The following MYBL1 variants were observed in gnomAD, a reference collection of about 807,000 sequenced individuals.
MYBL1 encodes myb-related protein A.
Under a neutral mutation model 96.3 loss-of-function variants are expected in MYBL1, and 17 were observed. The ratio of observed to expected loss-of-function variants is 0.18; its 90% CI spans 0.12 to 0.26. The LOEUF (loss-of-function observed/expected upper bound fraction) is 0.26. Among genes scored for constraint, MYBL1 ranks in the 10% least tolerant of loss-of-function variants. The probability of loss-of-function intolerance (pLI) is 1.00; values close to 1 mark genes in which losing one functional copy is unlikely to be tolerated. For missense variants in MYBL1, 701 were observed against 882.9 expected, an observed-to-expected ratio of 0.79 and a Z score of 2.61; for synonymous variants, 282 against 292.7, an observed-to-expected ratio of 0.96 and a Z score of 0.37.
intron 8 of MYBL1, among the ~76,000 whole-genome samples, chr8:66,584,018 C>T (rs559982535): frequency 1.3e-5 from 2 of 152,208 alleles, no homozygotes; most frequent in African/African-American, 4.8e-5. Context: ...GCCAATATCC[C>T]TGATGAACAT....
At chr8:66,597,583 A>G in intron 4 of MYBL1, 33 bp from the exon 5 acceptor site, 1 of 1,323,652 alleles carries the variant, frequency 7.6e-7, no homozygotes, top group Non-Finnish European at 1.1e-6. Flanking sequence ...TTAAAAAAGC[A>G]TTACCTTCAA....
At chr8:66,612,776 C>T (rs1293633967) in intron 1 of MYBL1, 43 bp downstream of exon 1, 2 of 1,348,200 alleles carry the variant, frequency 1.5e-6, no homozygotes, top group African/African-American at 1.5e-5. Context: ...GAATCTGAGC[C>T]GAGACGGCGC....
chr8:66,593,136 G>A lies in MYBL1; in HGVS notation c.746C>T (p.Thr249Ile). Reference sequence around the variant, plus strand: ...AAAAGTTACCTGAATAAAGGCAGAAGTAGGCTGAACATGTTCTATACAATT... The same window carrying A: ...AAAAGTTACCTGAATAAAGGCAGAAATAGGCTGAACATGTTCTATACAATT... ...EGNCIEHVQP[T>I]SAFIQQPFID... The change falls in exon 7 of 16, where the codon ACT becomes ATT. Residue 249 changes from threonine to isoleucine, a missense_variant. Coordinates refer to ENST00000522677, the MANE Select transcript of MYBL1 (RefSeq NM_001080416.4). 6.3e-6 allele frequency: 10 copies of A among 1,582,918 alleles called. No homozygotes were observed. The highest frequency in any genetic ancestry group is 8.6e-6 in the Non-Finnish European group (10 of 1,162,378).
chr8:66,594,036 C>T (rs1021637672), intron 6 of MYBL1, among the ~76,000 whole-genome samples: 3 of 151,348 alleles, frequency 2.0e-5, no homozygotes, highest in African/African-American at 7.3e-5. Context: ...CTCAGGAGGC[C>T]GAAGCAGGAG....
At chr8:66,604,761 A>T (rs975964296) in intron 1 of MYBL1, among the ~76,000 whole-genome samples, 13 of 152,170 alleles carry the variant, frequency 8.5e-5, no homozygotes, top group African/African-American at 3.1e-4. Context: ...AAAGTAGAAA[A>T]GAAAGGATTT....
intron 1 of MYBL1, among the ~76,000 whole-genome samples, chr8:66,609,923 C>A (rs1810463632): frequency 6.6e-6 from 1 of 151,900 alleles, no homozygotes; most frequent in African/African-American, 2.4e-5. Flanking sequence ...AATTTCACTC[C>A]CACCCATTTT....
At chr8:66,610,198 CAG>C (rs1451168312) in intron 1 of MYBL1, among the ~76,000 whole-genome samples, 1 of 151,970 alleles carries the variant, frequency 6.6e-6, no homozygotes, top group East Asian at 1.9e-4. Flanking sequence ...ATGTTAGTAA[CAG>C]ATATATTAAT....
At chr8:66,581,235 T>A (rs540533019) in intron 8 of MYBL1, among the ~76,000 whole-genome samples, 143 of 152,328 alleles carry the variant, frequency 9.4e-4, no homozygotes, top group African/African-American at 3.3e-3. Context: ...CTTGCTAATA[T>A]ATAATCATTG....
At chr8:66,612,780 A>T in intron 1 of MYBL1, 39 bp downstream of exon 1, 1 of 1,347,644 alleles carries the variant, frequency 7.4e-7, no homozygotes, top group Non-Finnish European at 9.6e-7. Context: ...CTGAGCCGAG[A>T]CGGCGCCGAC....
At chr8:66,600,714 C>T (rs913172218) in intron 3 of MYBL1, among the ~76,000 whole-genome samples, 14 of 152,124 alleles carry the variant, frequency 9.2e-5, no homozygotes, top group African/African-American at 2.2e-4. Context: ...AATTTATGCT[C>T]TTTCCATTAC....
chr8:66,581,554 G>A (rs546624120), intron 8 of MYBL1, among the ~76,000 whole-genome samples: 2 of 152,192 alleles, frequency 1.3e-5, no homozygotes, highest in South Asian at 2.1e-4. Context: ...CCATGCGCCT[G>A]TAGTCCCAGA....
chr8:66,573,974 G>GC (rs532435238), intron 10 of MYBL1, among the ~76,000 whole-genome samples: 3,020 of 152,170 alleles, frequency 0.02, 96 homozygotes, highest in African/African-American at 0.067. Context: ...ATAATGCTTT[G>GC]CTGATAAGAA....
intron 4 of MYBL1, among the ~76,000 whole-genome samples, chr8:66,598,555 T>C (rs552395795): frequency 6.6e-6 from 1 of 152,202 alleles, no homozygotes; most frequent in Non-Finnish European, 1.5e-5. Context: ...TCCAACTTCA[T>C]AGTACAAACA....
chr8:66,582,289 A>AAAACTCATGTC (rs1449912785), intron 8 of MYBL1, among the ~76,000 whole-genome samples: 1 of 152,180 alleles, frequency 6.6e-6, no homozygotes, highest in African/African-American at 2.4e-5. Context: ...GCTGCCTACA[A>AAAACTCATGTC]AAACTCATGT....
At chr8:66,598,822 A>C (rs1809953852) in intron 4 of MYBL1, among the ~76,000 whole-genome samples, 1 of 152,178 alleles carries the variant, frequency 6.6e-6, no homozygotes, top group Non-Finnish European at 1.5e-5. Context: ...TTCCTTCTGC[A>C]AACCAAACTC....
chr8:66,601,098 A>G (rs905440088), intron 3 of MYBL1, among the ~76,000 whole-genome samples: 1 of 146,890 alleles, frequency 6.8e-6, no homozygotes, highest in Non-Finnish European at 1.5e-5. Context: ...AATCGCTTGA[A>G]TCTGGGAGGC....
chr8:66,607,414 G>A (rs1262281045), intron 1 of MYBL1, among the ~76,000 whole-genome samples: 3 of 152,004 alleles, frequency 2.0e-5, no homozygotes, highest in East Asian at 3.9e-4. Flanking sequence ...AAGCTCATGA[G>A]TGCAGACCAT....
intron 12 of MYBL1, among the ~76,000 whole-genome samples, chr8:66,567,724 T>C (rs1808562113): frequency 6.6e-6 from 1 of 152,176 alleles, no homozygotes; most frequent in South Asian, 2.1e-4. Flanking sequence ...CAAGATATAC[T>C]TGAAAAGGTA....
chr8:66,576,268 T>G lies in MYBL1; in HGVS notation c.1209A>C (p.Gly403=). The G allele has an allele frequency of 1.9e-6, 3 of 1,614,022 alleles. No individual in the cohort carries two copies. Among genetic ancestry groups the G allele is most frequent in the Middle Eastern group, 1.6e-4 (1 of 6,062 alleles). ...VKLMRIQHNE[G]AMECQFNVSL... ...TGACGTTAAATTGGCATTCCATGGC[T>G]CCTTCATTGTGCTGAATTCTCATTA... is the stretch of plus-strand genomic sequence containing the variant. The change falls in exon 10 of 16, where the codon GGA becomes GGC. Residue 403 remains glycine (G), a synonymous_variant. Coordinates refer to ENST00000522677, the MANE Select transcript of MYBL1 (RefSeq NM_001080416.4).
Sources: allele counts gnomAD v4.1 joint callset (sites outside exome capture counted in the v4.1 genomes callset), GRCh38; gene constraint gnomAD v4.1.1; transcripts MANE v1.5; gene names NCBI Gene and HGNC (gene_info 2026-07-23, HGNC 2026-07-21).